The following FBLN5 variants were observed in gnomAD, a reference collection of about 807,000 sequenced individuals.
FBLN5 encodes fibulin-5.
FBLN5 carries 24 observed loss-of-function variants against 61.6 expected under a neutral mutation model. The ratio of observed to expected loss-of-function variants is 0.39; its 90% CI spans 0.28 to 0.55. The LOEUF (loss-of-function observed/expected upper bound fraction) is 0.55. Ranked by LOEUF, FBLN5 falls within the 20% of genes least tolerant of loss-of-function variation. FBLN5 has a pLI of 0.65. For missense variants in FBLN5, 470 were observed against 594.1 expected (o/e 0.79, Z 2.17); for synonymous variants, 213 against 219.8 (o/e 0.97, Z 0.27).
intron 4 of FBLN5, among the ~76,000 whole-genome samples, chr14:91,914,067 GCA>G (rs1891076220): frequency 6.6e-6 from 1 of 152,262 alleles, no homozygotes; most frequent in African/African-American, 2.4e-5. Flanking sequence ...AAGGGGCCAT[GCA>G]CAGTTGCTCA....
intron 4 of FBLN5, among the ~76,000 whole-genome samples, chr14:91,897,339 A>C (rs1890268016): frequency 6.6e-6 from 1 of 152,168 alleles, no homozygotes; most frequent in Non-Finnish European, 1.5e-5. Flanking sequence ...GCTCAAATCC[A>C]CAGTGAAGTC....
chr14:91,926,516 C>T (rs560017896), intron 4 of FBLN5, among the ~76,000 whole-genome samples: 59 of 152,298 alleles, frequency 3.9e-4, no homozygotes, highest in African/African-American at 1.4e-3. Flanking sequence ...GAGAAAGGCT[C>T]GAAAGCTGCC....
intron 5 of FBLN5, 142 bp from the exon 6 acceptor site, chr14:91,891,479 G>C: frequency 1.4e-6 from 1 of 729,502 alleles, no homozygotes; most frequent in South Asian, 1.5e-5. Flanking sequence ...AGTGCCTACT[G>C]AGTGTCACGG....
chr14:91,889,608 CTATT>C (rs1405032712), intron 6 of FBLN5, among the ~76,000 whole-genome samples: 2 of 152,214 alleles, frequency 1.3e-5, no homozygotes, highest in East Asian at 1.9e-4. Context: ...CCTCAAGAGG[CTATT>C]TATTATTTGG....
At chr14:91,910,886 C>T (rs374801907) in intron 4 of FBLN5, among the ~76,000 whole-genome samples, 10 of 152,266 alleles carry the variant, frequency 6.6e-5, no homozygotes, top group African/African-American at 2.4e-4. Context: ...CATCTTGAGC[C>T]TCTAGTAACT....
chr14:91,936,834 T>G, intron 4 of FBLN5, 113 bp downstream of exon 4: 1 of 1,246,764 alleles, frequency 8.0e-7, no homozygotes. Flanking sequence ...TAAGTCATTG[T>G]TTCACTGGTG....
intron 3 of FBLN5, chr14:91,939,917 T>C (rs1566830084): frequency 2.2e-6 from 1 of 453,212 alleles, no homozygotes; most frequent in East Asian, 6.9e-5. Context: ...TTCTTAAAAG[T>C]AGAAGAAGAA....
chr14:91,908,495 C>T (rs1486717327), intron 4 of FBLN5, among the ~76,000 whole-genome samples: 2 of 152,224 alleles, frequency 1.3e-5, no homozygotes, highest in East Asian at 1.9e-4. Context: ...AGGATACGAA[C>T]TCAAGGCCGC....
intron 4 of FBLN5, among the ~76,000 whole-genome samples, chr14:91,930,336 T>C (rs1394710929): frequency 2.6e-5 from 4 of 152,022 alleles, no homozygotes; most frequent in Non-Finnish European, 5.9e-5. Flanking sequence ...ATCCCAGCAA[T>C]GATAGGGAAA....
At chr14:91,924,014 C>T (rs1045238290) in intron 4 of FBLN5, among the ~76,000 whole-genome samples, 3 of 152,152 alleles carry the variant, frequency 2.0e-5, no homozygotes, top group African/African-American at 4.8e-5. Flanking sequence ...CCAAACCACC[C>T]GACTCCCGCC....
chr14:91,881,455 A>G (rs993806551), intron 8 of FBLN5, 37 bp from the exon 9 acceptor site: 10 of 1,613,582 alleles, frequency 6.2e-6, no homozygotes, highest in Non-Finnish European at 7.6e-6. Context: ...GAGGCAGGGC[A>G]TTATTGGCCA....
chr14:91,909,169 G>A (rs924957187), intron 4 of FBLN5, among the ~76,000 whole-genome samples: 4 of 152,016 alleles, frequency 2.6e-5, no homozygotes, highest in African/African-American at 4.8e-5. Flanking sequence ...CGCCTGCCTC[G>A]GCCTCCCAAA....
At chr14:91,906,543 C>T (rs574763234) in intron 4 of FBLN5, among the ~76,000 whole-genome samples, 7 of 152,194 alleles carry the variant, frequency 4.6e-5, no homozygotes, top group Non-Finnish European at 1.0e-4. Context: ...TCCCCATCAC[C>T]CTTTGGACTT....
rs60683460 is a variant in FBLN5 at position 91,939,084 on chromosome 14, T to G, written c.124+1481A>C. On this transcript the variant is annotated intron_variant, in intron 3 of 10. Transcript: ENST00000342058. Reference sequence around the variant, plus strand: ...TCTCCCCTCTGGAGCATGGTGACGTTAGCTCAGAGAAGACAAATGATTTTG... The same window carrying G: ...TCTCCCCTCTGGAGCATGGTGACGTGAGCTCAGAGAAGACAAATGATTTTG... Among the ~76,000 whole-genome samples the G allele has an allele frequency of 9.9e-3, 1,511 of 152,306 alleles. 28 individuals are homozygous for G. Among genetic ancestry groups the G allele is most frequent in the East Asian group, 0.067 (348 of 5,186 alleles).
chr14:91,896,599 G>A (rs1890236892), intron 4 of FBLN5, among the ~76,000 whole-genome samples: 1 of 152,202 alleles, frequency 6.6e-6, no homozygotes, highest in South Asian at 2.1e-4. Context: ...GGAAAACTGA[G>A]TGGAAAGAGC....
In FBLN5 at chr14:91,943,045, T is replaced by C. The variant is rs978037296; in HGVS notation, c.18-84A>G. 1.1e-6 allele frequency: 1 copy of C among 881,578 alleles called. No homozygotes were observed. Among genetic ancestry groups the C allele is most frequent in the Non-Finnish European group, 1.9e-6 (1 of 535,614 alleles). The allele number at this position is 881,578 out of a possible 1,614,324, so 54.6% of individuals were successfully genotyped here. On this transcript the variant is annotated intron_variant, in intron 1 of 10. Transcript: ENST00000342058. This position sits in a 1 kb window ranked among gnomAD's most constrained non-coding sequence, Gnocchi z 4.0. ...TGGGTCGCATGCGGCCCGTGACGTG[T>C]AACGGTGATATCACCTTGGGCTTGT...
intron 2 of FBLN5, 113 bp downstream of exon 2, chr14:91,942,794 A>G (rs2056126460): frequency 1.5e-5 from 11 of 720,140 alleles, no homozygotes; most frequent in South Asian, 1.5e-4. Context: ...GATGAGGTCA[A>G]CTGTAAAGCC....
intron 4 of FBLN5, among the ~76,000 whole-genome samples, chr14:91,931,820 C>T (rs1307923886): frequency 1.3e-5 from 2 of 152,232 alleles, no homozygotes; most frequent in African/African-American, 2.4e-5. Flanking sequence ...TTCAGGGACC[C>T]GGTCTTAGAG....
At chr14:91,927,777 T>C (rs1447643001) in intron 4 of FBLN5, among the ~76,000 whole-genome samples, 3 of 152,244 alleles carry the variant, frequency 2.0e-5, no homozygotes, top group African/African-American at 7.2e-5. Flanking sequence ...CAGAGCTGAA[T>C]GGTCCTGCCA....
Sources: allele counts gnomAD v4.1 joint callset (sites outside exome capture counted in the v4.1 genomes callset), GRCh38; gene constraint gnomAD v4.1.1; non-coding constraint Gnocchi (gnomAD v3.1); transcripts MANE v1.5; gene names NCBI Gene and HGNC (gene_info 2026-07-23, HGNC 2026-07-21).